Variants in MYO9B observed in about 807,000 individuals in gnomAD.
MYO9B encodes the protein myosin IXB.
A neutral mutation model predicts 229.5 loss-of-function variants in MYO9B; 71 were observed. The observed-to-expected ratio is 0.31, with a 90% CI of 0.26 to 0.38. The LOEUF (loss-of-function observed/expected upper bound fraction) is 0.38, where lower values mean the gene tolerates loss of function less well. Ranked by LOEUF, MYO9B falls within the 10% of genes least tolerant of loss-of-function variation. The pLI is 1.00. For synonymous variants in MYO9B, 1,185 were observed against 1,235.8 expected, an observed-to-expected ratio of 0.96 and a Z score of 0.86; for missense variants, 2,255 against 2,920.5, an observed-to-expected ratio of 0.77 and a Z score of 5.25.
At chr19:17,123,864 A>G (rs1364229159) in intron 2 of MYO9B, among the ~76,000 whole-genome samples, 1 of 152,048 alleles carries the variant, frequency 6.6e-6, no homozygotes, top group Non-Finnish European at 1.5e-5. Flanking sequence ...ACCTCCTTAC[A>G]CATACATGGA....
chr19:17,085,166 G>A (rs914429691), intron 1 of MYO9B, among the ~76,000 whole-genome samples: 1 of 152,156 alleles, frequency 6.6e-6, no homozygotes, highest in African/African-American at 2.4e-5. Flanking sequence ...GAAGACACTG[G>A]TGGCAGCAAA....
In MYO9B at chr19:17,212,317, C is replaced by T. The variant is rs2145535336; in HGVS notation, c.*7C>T. 4 of 1,479,274 alleles carry T rather than the reference C, an allele frequency of 2.7e-6. No homozygotes were observed. The South Asian group carries it at 5.5e-5, about 20-fold the overall frequency. 91.6% of individuals were successfully genotyped at this position (1,479,274 alleles called of 1,614,324 possible). On this transcript the variant is annotated 3_prime_UTR_variant, in exon 40 of 40. Coordinates refer to ENST00000682292, the MANE Select transcript of MYO9B (RefSeq NM_004145.4). The surrounding 1 kb of genome is among the most constrained non-coding windows in gnomAD (Gnocchi z 5.4). ...GGGCCAGACCAATGGCTGAGAGCCA[C>T]AGCTGACAAAGTCTGCATGTCCGAG...
At position 17,209,760 on chromosome 19, in the gene MYO9B, G is replaced by A; in HGVS notation, c.5748+51G>A. ...GGACCTCTTTGGTGGGGCGGAGCCT[G>A]GTGCTGGGCAGGGCCTTGGGCGTGG... is the stretch of plus-strand genomic sequence containing the variant. On this transcript the variant is annotated intron_variant, in intron 36 of 39. Transcript: ENST00000682292. The A allele has an allele frequency of 1.9e-6, 3 of 1,602,768 alleles. No homozygotes were observed. The South Asian group carries it at 3.3e-5, about 18-fold the overall frequency.
intron 1 of MYO9B, among the ~76,000 whole-genome samples, chr19:17,090,132 T>C (rs2057623699): frequency 1.1e-4 from 7 of 65,828 alleles, no homozygotes; most frequent in Admixed American, 1.6e-4. Context: ...TTTTTTTTTT[T>C]TTTTTTTTTT....
At chr19:17,136,271 G>T (rs965456617) in intron 2 of MYO9B, among the ~76,000 whole-genome samples, 1 of 152,160 alleles carries the variant, frequency 6.6e-6, no homozygotes, top group South Asian at 2.1e-4. Flanking sequence ...GATTTCCTGC[G>T]TGAGCTCCAG....
chr19:17,163,895 G>A lies in MYO9B; in HGVS notation c.1671+773G>A, dbSNP rs138725924. ...CATCCATCCTTCAGTAGACACTTGG[G>A]TTGCTTCCAGCTTTTGGCTATTGTG... is the stretch of plus-strand genomic sequence containing the variant. On this transcript the variant is annotated intron_variant, in intron 10 of 39. Coordinates refer to ENST00000682292, the MANE Select transcript of MYO9B (RefSeq NM_004145.4). 4.7e-3 allele frequency among the ~76,000 whole-genome samples: 723 copies of A among 152,216 alleles called. 2 individuals carry two copies. The highest frequency in any genetic ancestry group is 0.017 in the African/African-American group (699 of 41,516).
chr19:17,109,510 G>T (rs2057827108), intron 2 of MYO9B, among the ~76,000 whole-genome samples: 1 of 152,220 alleles, frequency 6.6e-6, no homozygotes, highest in South Asian at 2.1e-4. Flanking sequence ...GAGACACGTG[G>T]ATGTGTGAGT....
At chr19:17,190,941 G>A (rs1046704665) in intron 19 of MYO9B, among the ~76,000 whole-genome samples, 156 bp from the exon 20 acceptor site, 20 of 152,098 alleles carry the variant, frequency 1.3e-4, no homozygotes, top group Admixed American at 7.2e-4. Context: ...CACCACACCC[G>A]GCCCAGACTA....
At chr19:17,198,151 T>G (rs2073067194) in intron 23 of MYO9B, 33 bp from the exon 24 acceptor site, 2 of 1,612,252 alleles carry the variant, frequency 1.2e-6, no homozygotes, top group Non-Finnish European at 1.7e-6. Context: ...TGCCAGCCTT[T>G]CCTTAGCAGC....
intron 1 of MYO9B, among the ~76,000 whole-genome samples, chr19:17,083,141 C>T (rs769557698): frequency 3.5e-5 from 5 of 144,620 alleles, no homozygotes; most frequent in African/African-American, 7.7e-5. Flanking sequence ...CTCAAGTGAT[C>T]GTCCTACCTC....
chr19:17,130,634 A>T (rs1301007864), intron 2 of MYO9B, among the ~76,000 whole-genome samples: 2 of 151,552 alleles, frequency 1.3e-5, no homozygotes, highest in South Asian at 4.2e-4. Context: ...AAAAAAAAAA[A>T]TTAACCAGGC....
chr19:17,093,557 G>A (rs1450394173), intron 1 of MYO9B, among the ~76,000 whole-genome samples: 1 of 152,162 alleles, frequency 6.6e-6, no homozygotes, highest in Non-Finnish European at 1.5e-5. Context: ...TCCCTGCTGT[G>A]GTGTCTGAGG....
intron 38 of MYO9B, among the ~76,000 whole-genome samples, chr19:17,211,347 C>T (rs1210825724): frequency 6.6e-6 from 1 of 152,196 alleles, no homozygotes; most frequent in Non-Finnish European, 1.5e-5. Context: ...TCACGGTTCA[C>T]TGCAGCCACA....
In MYO9B at chr19:17,186,799, C is replaced by T. The variant is rs542962137; in HGVS notation, c.2577+798C>T. The stretch of plus-strand genomic sequence containing the variant: ...AGGCTGGAGTACAGTGGTGCGATCT[C>T]GGCTCACTGCAGCCTCGACCTCCCA... On this transcript the variant is annotated intron_variant, in intron 18 of 39. Transcript: ENST00000682292. Among the ~76,000 whole-genome samples the T allele has an allele frequency of 6.4e-4, 97 of 152,150 alleles. 1 individual carries two copies. The highest frequency in any genetic ancestry group is 2.5e-3 in the South Asian group (12 of 4,808).
intron 8 of MYO9B, among the ~76,000 whole-genome samples, chr19:17,161,987 C>CAAAAAA: frequency 9.1e-6 from 1 of 110,240 alleles, no homozygotes; most frequent in African/African-American, 3.3e-5. Context: ...GACCCTGTGT[C>CAAAAAA]AAAAAAAAAA....
chr19:17,129,123 G>A (rs2072162504), intron 2 of MYO9B, among the ~76,000 whole-genome samples: 1 of 152,148 alleles, frequency 6.6e-6, no homozygotes, highest in African/African-American at 2.4e-5. Context: ...AAGGGACCGG[G>A]CATGGTGGCT....
In MYO9B at chr19:17,195,240, C is replaced by G; in HGVS notation, c.3813C>G (p.Thr1271=). The G allele has an allele frequency of 6.2e-7, 1 of 1,612,374 alleles. No homozygotes were observed. Among genetic ancestry groups the G allele is most frequent in the Non-Finnish European group, 8.5e-7 (1 of 1,179,638 alleles). The part of the protein sequence containing the change: ...SPPAPGSAPE[T]PEDKSKPCGS... Reference sequence around the variant, plus strand: ...CGGCCCCTGGCAGCGCCCCCGAGACCCCCGAGGACAAGAGCAAACCATGTG... The same window carrying G: ...CGGCCCCTGGCAGCGCCCCCGAGACGCCCGAGGACAAGAGCAAACCATGTG... The change falls in exon 22 of 40, where the codon ACC becomes ACG. Residue 1271 remains threonine (T), a synonymous_variant. Coordinates refer to ENST00000682292, the MANE Select transcript of MYO9B (RefSeq NM_004145.4). The surrounding 1 kb of genome is among the most constrained non-coding windows in gnomAD (Gnocchi z 4.5).
intron 10 of MYO9B, among the ~76,000 whole-genome samples, chr19:17,165,237 T>C (rs897752507): frequency 6.6e-6 from 1 of 151,952 alleles, no homozygotes; most frequent in Non-Finnish European, 1.5e-5. Flanking sequence ...GGCACATATC[T>C]GTAGTCCCAA....
At chr19:17,103,357 CAG>C (rs1231491669) in intron 2 of MYO9B, 2 of 152,172 alleles carry the variant, frequency 1.3e-5, no homozygotes, top group Non-Finnish European at 2.9e-5. Flanking sequence ...TGGAAGGCCA[CAG>C]GGGGAAGCAC....
Sources: allele counts gnomAD v4.1 joint callset (sites outside exome capture counted in the v4.1 genomes callset), GRCh38; gene constraint gnomAD v4.1.1; non-coding constraint Gnocchi (gnomAD v3.1); transcripts MANE v1.5; gene names NCBI Gene and HGNC (gene_info 2026-07-23, HGNC 2026-07-21).